The following ARSL variants were observed in gnomAD, a reference collection of about 807,000 sequenced individuals.
ARSL encodes arylsulfatase E (chondrodysplasia punctata 1).
Under a neutral mutation model 31.1 loss-of-function variants are expected in ARSL, and 4 were observed. The ratio of observed to expected loss-of-function variants is 0.13; its 90% CI spans 0.06 to 0.29. The LOEUF is 0.29. ARSL is among the 10% of genes least tolerant of loss of function. ARSL has a pLI of 1.00. For synonymous variants in ARSL, 198 were observed against 209.9 expected, an observed-to-expected ratio of 0.94 and a Z score of 0.49; for missense variants, 312 against 497.8, an observed-to-expected ratio of 0.63 and a Z score of 3.55.
intron 8 of ARSL, among the ~76,000 whole-genome samples, chrX:2,938,480 T>C (rs912561314): frequency 3.6e-5 from 4 of 111,793 alleles, no homozygotes; most frequent in African/African-American, 6.5e-5. Context: ...AACCTTGTTA[T>C]TGGTTAGTGT....
intron 5 of ARSL, among the ~76,000 whole-genome samples, chrX:2,951,939 T>C (rs2089469819): frequency 9.3e-6 from 1 of 107,768 alleles, no homozygotes; most frequent in South Asian, 3.9e-4. Flanking sequence ...TTTTTAGAAA[T>C]ATAGTTTATT....
At chrX:2,941,516 A>G (rs901004077) in intron 8 of ARSL, among the ~76,000 whole-genome samples, 3 of 111,500 alleles carry the variant, frequency 2.7e-5, no homozygotes, top group Non-Finnish European at 5.6e-5. Flanking sequence ...TGGCCTCCCA[A>G]AGCGTTGGGA....
chrX:2,961,276 A>T (rs1329131188), intron 1 of ARSL, among the ~76,000 whole-genome samples: 1 of 110,777 alleles, frequency 9.0e-6, no homozygotes, highest in Non-Finnish European at 1.9e-5. Flanking sequence ...AGAGCAGGAA[A>T]GGAATGAGAT....
chrX:2,950,877 C>T (rs1216680547), intron 5 of ARSL, among the ~76,000 whole-genome samples: 2 of 110,569 alleles, frequency 1.8e-5, no homozygotes, highest in Middle Eastern at 4.2e-3. Context: ...AGGGGAGGAT[C>T]CTTCCTGCCT....
At chrX:2,946,202 C>T (rs1260185860) in intron 6 of ARSL, 68 bp from the exon 7 acceptor site, 5 of 1,037,537 alleles carry the variant, frequency 4.8e-6, no homozygotes, top group African/African-American at 3.7e-5. Flanking sequence ...CCTGTAGATA[C>T]TAAATACGGA....
chrX:2,955,289 G>A (rs2089509825), intron 4 of ARSL, 127 bp downstream of exon 4: 1 of 885,127 alleles, frequency 1.1e-6, no homozygotes, highest in Admixed American at 2.9e-5. Flanking sequence ...GACCAGCATG[G>A]GCAAGATAGA....
upstream of ARSL, among the ~76,000 whole-genome samples, chrX:2,966,208 C>T (rs1005289912): frequency 6.8e-4 from 76 of 111,371 alleles, no homozygotes; most frequent in Admixed American, 1.2e-3. Flanking sequence ...ACACTCCAGC[C>T]TGACTCATTT....
intron 8 of ARSL, among the ~76,000 whole-genome samples, chrX:2,938,779 G>C (rs1389247700): frequency 8.9e-6 from 1 of 112,210 alleles, no homozygotes; most frequent in Admixed American, 9.5e-5. Context: ...TAGGGGGTTT[G>C]CAGATATAAT....
chrX:2,952,662 G>C (rs1351323873), intron 5 of ARSL, among the ~76,000 whole-genome samples: 1 of 112,093 alleles, frequency 8.9e-6, no homozygotes, highest in Non-Finnish European at 1.9e-5. Context: ...CCAGAAAAGA[G>C]CTGAAGGTGT....
intron 5 of ARSL, chrX:2,952,814 T>A (rs899643136): frequency 1.8e-5 from 3 of 169,788 alleles, no homozygotes; most frequent in African/African-American, 3.1e-5. Flanking sequence ...ATTTATTTTT[T>A]AATTTATTTT....
chrX:2,952,869 C>T (rs902887224), intron 5 of ARSL: 3 of 212,631 alleles, frequency 1.4e-5, no homozygotes, highest in African/African-American at 5.9e-5. Flanking sequence ...GTTGCCCAGG[C>T]GGGTTTCAAA....
intron 1 of ARSL, among the ~76,000 whole-genome samples, chrX:2,961,858 GTTT>G (rs772533894): frequency 1.1e-5 from 1 of 92,140 alleles, no homozygotes; most frequent in African/African-American, 3.9e-5. Flanking sequence ...GGATCCCAGG[GTTT>G]TTTTTTTTTT....
At chrX:2,960,320 G>GAGAAAGAAAGAAAGAAAGAA (rs377714899) in intron 2 of ARSL, 58 bp downstream of exon 2, 4 of 546,732 alleles carry the variant, frequency 7.3e-6, no homozygotes, top group African/African-American at 5.4e-5. Context: ...AAGGAAGGAA[G>GAGAAAGAAAGAAAGAAAGAA]AGAAAGAAAG....
upstream of ARSL, among the ~76,000 whole-genome samples, chrX:2,965,909 A>AAAGAC (rs1268551145): frequency 2.7e-5 from 3 of 112,386 alleles, no homozygotes; most frequent in African/African-American, 6.5e-5. Flanking sequence ...TCAAAAAAGA[A>AAAGAC]AAGACAAGAC....
chrX:2,956,733 G>T (rs778662563), intron 3 of ARSL, among the ~76,000 whole-genome samples: 2 of 108,494 alleles, frequency 1.8e-5, no homozygotes, highest in Non-Finnish European at 1.9e-5. Context: ...CAAAGTGCTG[G>T]GATTACAGGC....
chrX:2,961,145 G>A (rs921473398), intron 1 of ARSL, among the ~76,000 whole-genome samples: 2 of 111,474 alleles, frequency 1.8e-5, no homozygotes, highest in Non-Finnish European at 3.8e-5. Context: ...GCTGCCGGGA[G>A]AGGGGGCGAC....
rs12847525 is a variant in ARSL, at chrX:2,960,138, A to G, written c.23+240T>C. ...CAAAAAATTAGCCGGGCGTGGTGGC[A>G]GGCGCCTGTAGTCCCAGCTACTCGG... On this transcript the variant is annotated intron_variant, in intron 2 of 10. Coordinates refer to ENST00000381134, the MANE Select transcript of ARSL (RefSeq NM_000047.3). 0.22 allele frequency among the ~76,000 whole-genome samples: 15,060 copies of G among 69,274 alleles called. 2,195 individuals are homozygous for G. The highest frequency in any genetic ancestry group is 0.36 in the African/African-American group (6,986 of 19,476). The allele number at this position is 69,274 out of a possible 115,157, so 60.2% of individuals were successfully genotyped here.
rs756191732 is a variant in ARSL, at chrX:2,934,971, G to A, written c.1631C>T (p.Ala544Val). Residue 544 changes from alanine to valine, a missense_variant, in exon 11 of 11, where the codon GCG (alanine) becomes GTG (valine). Coordinates refer to ENST00000381134, the MANE Select transcript of ARSL (RefSeq NM_000047.3). ...FYQVMERVQQ[A>V]VWEHQRTLSP... ...GAGTGTCCGCTGGTGTTCCCACACCGCCTGCTGGACTCGTTCCATCACCTG... is the reference window on the plus strand; with the variant it reads ...GAGTGTCCGCTGGTGTTCCCACACCACCTGCTGGACTCGTTCCATCACCTG... 12 of 1,211,103 alleles carry A rather than the reference G, an allele frequency of 9.9e-6. No individual in the cohort carries two copies. Among genetic ancestry groups the A allele is most frequent in the South Asian group, 3.5e-5 (2 of 56,848 alleles).
chrX:2,965,548 AAT>A (rs201919015), upstream of ARSL, among the ~76,000 whole-genome samples: 28 of 95,264 alleles, frequency 2.9e-4, no homozygotes, highest in Non-Finnish European at 4.8e-4. Flanking sequence ...AAAGAAAAAA[AAT>A]AAGCAAAAAA....
Sources: gnomAD v4.1 joint callset for allele counts (sites outside exome capture counted in the v4.1 genomes callset) on GRCh38, gnomAD v4.1.1 for gene constraint, MANE v1.5 for transcripts, NCBI Gene and HGNC (gene_info 2026-07-23, HGNC 2026-07-21) for gene names.